NUBPL: variants seen among roughly 807,000 people sequenced by gnomAD.
NUBPL encodes iron-sulfur cluster transfer protein NUBPL.
Under a neutral mutation model 45.7 loss-of-function variants are expected in NUBPL, and 31 were observed. That is an observed-to-expected ratio of 0.68 (90% CI 0.51 to 0.92). NUBPL has a LOEUF of 0.92. Ranked by LOEUF, NUBPL falls within the 40% of genes least tolerant of loss-of-function variation. NUBPL has a pLI of 0.00. For synonymous variants in NUBPL, 144 were observed against 140.9 expected, an observed-to-expected ratio of 1.02 and a Z score of -0.15; for missense variants, 401 against 398.7, an observed-to-expected ratio of 1.01 and a Z score of -0.05.
rs563459637 is a variant in NUBPL at position 31,646,780 on chromosome 14, A to T, written c.383-26575A>T. On this transcript the variant is annotated intron_variant, in intron 4 of 10. Coordinates refer to ENST00000281081, the MANE Select transcript of NUBPL (RefSeq NM_025152.3). The stretch of plus-strand genomic sequence containing the variant: ...TAGCATTTGGAATGTTTAATTTTTT[A>T]AAAAAATAAGCTTTGTATCCCTTTC... 4.6e-4 allele frequency among the ~76,000 whole-genome samples: 70 copies of T among 152,048 alleles called. No individual in the cohort carries two copies. The South Asian group carries it at 5.0e-3, about 11-fold the overall frequency.
At chr14:31,806,341 G>C (rs2039685409) in intron 7 of NUBPL, among the ~76,000 whole-genome samples, 1 of 152,028 alleles carries the variant, frequency 6.6e-6, no homozygotes, top group Non-Finnish European at 1.5e-5. Flanking sequence ...AAAAAGGAAT[G>C]TGTTCTGTTA....
intron 3 of NUBPL, among the ~76,000 whole-genome samples, chr14:31,582,493 G>T (rs2033890729): frequency 6.6e-6 from 1 of 151,894 alleles, no homozygotes; most frequent in Non-Finnish European, 1.5e-5. Flanking sequence ...CACTCTTGTG[G>T]GGTGAAATGG....
At chr14:31,723,965 G>A (rs1020425733) in intron 6 of NUBPL, among the ~76,000 whole-genome samples, 11 of 152,112 alleles carry the variant, frequency 7.2e-5, no homozygotes, top group African/African-American at 2.7e-4. Context: ...CTCTGGTCAG[G>A]ACTTCCAATA....
chr14:31,638,241 C>T (rs2035566949), intron 4 of NUBPL, among the ~76,000 whole-genome samples: 1 of 151,918 alleles, frequency 6.6e-6, no homozygotes, highest in Admixed American at 6.6e-5. Flanking sequence ...TGTTCCTTTC[C>T]ATGTTTAGTG....
chr14:31,717,518 C>G (rs561333897), intron 6 of NUBPL, among the ~76,000 whole-genome samples: 7 of 152,284 alleles, frequency 4.6e-5, no homozygotes, highest in African/African-American at 1.7e-4. Flanking sequence ...CCACATTTTC[C>G]CCTATCATAG....
At chr14:31,606,836 T>C (rs2139585816) in intron 4 of NUBPL, among the ~76,000 whole-genome samples, 1 of 152,280 alleles carries the variant, frequency 6.6e-6, no homozygotes, top group South Asian at 2.1e-4. Context: ...GAAAATTTCC[T>C]CCTGATTCCC....
At chr14:31,562,992 A>G (rs1300028504) in intron 2 of NUBPL, 1 of 153,374 alleles carries the variant, frequency 6.5e-6, no homozygotes, top group Non-Finnish European at 1.5e-5. Flanking sequence ...GATTTACCAA[A>G]TATTGTATTT....
chr14:31,572,293 C>A (rs2033607514), intron 3 of NUBPL, among the ~76,000 whole-genome samples: 1 of 152,060 alleles, frequency 6.6e-6, no homozygotes, highest in African/African-American at 2.4e-5. Flanking sequence ...GTACCCGCCA[C>A]CACACCCATC....
chr14:31,688,963 G>A (rs2037030450), intron 6 of NUBPL, among the ~76,000 whole-genome samples: 2 of 151,818 alleles, frequency 1.3e-5, no homozygotes, highest in South Asian at 2.1e-4. Context: ...GTGGCCTACA[G>A]CTCCATCCAT....
chr14:31,691,609 A>G (rs1427317834), intron 6 of NUBPL, among the ~76,000 whole-genome samples: 2 of 152,226 alleles, frequency 1.3e-5, no homozygotes, highest in Non-Finnish European at 2.9e-5. Flanking sequence ...AGACATAATG[A>G]TGCAGTGGAG....
chr14:31,650,065 G>A (rs2035958855), intron 4 of NUBPL, among the ~76,000 whole-genome samples: 1 of 151,782 alleles, frequency 6.6e-6, no homozygotes, highest in South Asian at 2.1e-4. Flanking sequence ...TGCCATGCTG[G>A]TCAGGCTGGT....
At chr14:31,669,157 C>T (rs2036510184) in intron 4 of NUBPL, among the ~76,000 whole-genome samples, 1 of 152,100 alleles carries the variant, frequency 6.6e-6, no homozygotes, top group South Asian at 2.1e-4. Context: ...ACCACTGTGC[C>T]TGGCTTTATT....
chr14:31,691,486 G>T (rs1189754697), intron 6 of NUBPL, among the ~76,000 whole-genome samples: 1 of 152,160 alleles, frequency 6.6e-6, no homozygotes, highest in African/African-American at 2.4e-5. Flanking sequence ...TCTAAGCTCT[G>T]TGTTGTTCAA....
chr14:31,627,004 T>C (rs1418950798), intron 4 of NUBPL, among the ~76,000 whole-genome samples: 1 of 152,064 alleles, frequency 6.6e-6, no homozygotes, highest in Non-Finnish European at 1.5e-5. Context: ...CGTAGACCCA[T>C]GGAATAAAAA....
intron 6 of NUBPL, among the ~76,000 whole-genome samples, chr14:31,674,894 T>C (rs1181407522): frequency 6.6e-6 from 1 of 152,096 alleles, no homozygotes. Flanking sequence ...CCCAGCACTT[T>C]GGGAGGCCGA....
chr14:31,791,148 T>C (rs1317332372), intron 7 of NUBPL, among the ~76,000 whole-genome samples: 1 of 150,092 alleles, frequency 6.7e-6, no homozygotes, highest in African/African-American at 2.5e-5. Context: ...AGTGGTGACG[T>C]GCACTTGTGG....
intron 4 of NUBPL, among the ~76,000 whole-genome samples, chr14:31,642,484 G>A (rs547833655): frequency 6.6e-6 from 1 of 152,114 alleles, no homozygotes; most frequent in East Asian, 1.9e-4. Flanking sequence ...TTGAAAATGA[G>A]TTGGCTGTAA....
chr14:31,561,607 A>T, intron 1 of NUBPL, 60 bp downstream of exon 1: 1 of 1,118,538 alleles, frequency 8.9e-7, no homozygotes, highest in Non-Finnish European at 1.2e-6. Context: ...GCAGGGCCGC[A>T]GATGCCCTGG....
intron 4 of NUBPL, among the ~76,000 whole-genome samples, chr14:31,622,139 C>G (rs1266486566): frequency 1.3e-5 from 2 of 152,090 alleles, no homozygotes; most frequent in Non-Finnish European, 2.9e-5. Context: ...TGCCCCTGCC[C>G]TAGAGAGTTG....
Sources: gnomAD v4.1 joint callset for allele counts (sites outside exome capture counted in the v4.1 genomes callset) on GRCh38, gnomAD v4.1.1 for gene constraint, MANE v1.5 for transcripts, NCBI Gene and HGNC (gene_info 2026-07-23, HGNC 2026-07-21) for gene names.